Variants in MCF2L2 observed in about 807,000 individuals in gnomAD.
MCF2L2 encodes MCF.2 cell line derived transforming sequence-like 2.
MCF2L2 carries 102 observed loss-of-function variants against 150.2 expected under a neutral mutation model. The observed-to-expected ratio is 0.68, with a 90% confidence interval of 0.58 to 0.80. The LOEUF (loss-of-function observed/expected upper bound fraction) is 0.80. Ranked by LOEUF, MCF2L2 falls within the 30% of genes least tolerant of loss-of-function variation. The pLI, the probability that MCF2L2 is intolerant of heterozygous loss-of-function variation, is 0.00. For synonymous variants in MCF2L2, 465 were observed against 491.3 expected (o/e 0.95, Z 0.71); for missense variants, 1,256 against 1,372.8 (o/e 0.91, Z 1.34).
chr3:183,358,826 T>C (rs1001000837), intron 3 of MCF2L2, among the ~76,000 whole-genome samples: 1 of 152,092 alleles, frequency 6.6e-6, no homozygotes, highest in South Asian at 2.1e-4. Context: ...GGTCTTGCCG[T>C]GTTGCCCAGG....
intron 3 of MCF2L2, among the ~76,000 whole-genome samples, chr3:183,343,780 TACTA>T (rs1396508748): frequency 6.6e-6 from 1 of 152,246 alleles, no homozygotes. Context: ...CTCTGAGGAC[TACTA>T]ACTAATCAAA....
At chr3:183,185,394 G>C (rs751062658) in intron 27 of MCF2L2, among the ~76,000 whole-genome samples, 32 of 152,252 alleles carry the variant, frequency 2.1e-4, no homozygotes, top group Non-Finnish European at 4.4e-5. Flanking sequence ...CATGCTTTCA[G>C]AGATCTAGGC....
chr3:183,194,660 A>G (rs1384541737), intron 26 of MCF2L2, among the ~76,000 whole-genome samples: 3 of 152,238 alleles, frequency 2.0e-5, no homozygotes, highest in Non-Finnish European at 2.9e-5. Flanking sequence ...CAATACAGCA[A>G]GCATGCACCA....
intron 1 of MCF2L2, among the ~76,000 whole-genome samples, chr3:183,416,615 T>C (rs905528332): frequency 2.0e-5 from 3 of 152,198 alleles, no homozygotes; most frequent in African/African-American, 7.2e-5. Flanking sequence ...TGATTTATGA[T>C]TTTTCAACTT....
intron 12 of MCF2L2, 31 bp downstream of exon 12, chr3:183,296,945 C>A (rs569989773): frequency 4.5e-5 from 72 of 1,599,356 alleles, no homozygotes; most frequent in Admixed American, 1.0e-4. Flanking sequence ...CGTTTCCCAA[C>A]CACAGGATCA....
At chr3:183,279,997 A>G (rs905382451) in intron 14 of MCF2L2, among the ~76,000 whole-genome samples, 1 of 151,926 alleles carries the variant, frequency 6.6e-6, no homozygotes, top group Non-Finnish European at 1.5e-5. Flanking sequence ...ACTGCCCTCC[A>G]GCCTGGGCGA....
intron 25 of MCF2L2, among the ~76,000 whole-genome samples, chr3:183,198,010 A>G (rs1332626211): frequency 1.3e-5 from 2 of 152,230 alleles, no homozygotes; most frequent in Non-Finnish European, 2.9e-5. Flanking sequence ...ATCACTTTGG[A>G]AACTATTTAG....
intron 11 of MCF2L2, 32 bp from the exon 12 acceptor site, chr3:183,297,199 C>G (rs370338416): frequency 2.1e-5 from 34 of 1,589,670 alleles, no homozygotes; most frequent in Non-Finnish European, 2.9e-5. Context: ...CTGTGCACTT[C>G]GCCTGACCAC....
intron 1 of MCF2L2, among the ~76,000 whole-genome samples, chr3:183,411,128 G>C (rs1263875605): frequency 1.3e-5 from 2 of 152,194 alleles, no homozygotes; most frequent in Non-Finnish European, 2.9e-5. Flanking sequence ...TTACCAGCAA[G>C]ATGCTCCAAA....
intron 14 of MCF2L2, among the ~76,000 whole-genome samples, chr3:183,277,459 CTT>C (rs78674214): frequency 6.8e-6 from 1 of 146,432 alleles, no homozygotes. Flanking sequence ...TCAACATCTC[CTT>C]TTTTTTTTTC....
intron 1 of MCF2L2, among the ~76,000 whole-genome samples, chr3:183,401,909 G>T (rs1223485604): frequency 6.6e-6 from 1 of 152,194 alleles, no homozygotes; most frequent in Non-Finnish European, 1.5e-5. Context: ...AGGCCTGTGT[G>T]TAGACATGTT....
At chr3:183,330,466 G>C (rs1730227181) in intron 5 of MCF2L2, among the ~76,000 whole-genome samples, 2 of 152,092 alleles carry the variant, frequency 1.3e-5, no homozygotes, top group Admixed American at 1.3e-4. Context: ...TATAAGGATG[G>C]AGAGCAGATC....
chr3:183,323,333 C>CA lies in MCF2L2; in HGVS notation c.504dup (p.Val169CysfsTer3). 1 of 1,611,622 alleles carries CA rather than the reference C, an allele frequency of 6.2e-7. No individual in the cohort carries two copies. Among genetic ancestry groups the CA allele is most frequent in the African/African-American group, 1.3e-5 (1 of 74,976 alleles). On this transcript the variant is annotated frameshift_variant, in exon 6 of 30. Coordinates refer to ENST00000328913, the MANE Select transcript of MCF2L2 (RefSeq NM_015078.4). LOFTEE classifies it high-confidence loss of function. ...TCGATGTAGCCGTGAAGGTCAGAGA[C>CA]AGAGTTTACCATGATGATCTGTAAG...
At chr3:183,400,755 ATTT>A (rs933680315) in intron 1 of MCF2L2, among the ~76,000 whole-genome samples, 1 of 147,892 alleles carries the variant, frequency 6.8e-6, no homozygotes. Flanking sequence ...GAGAATCAGA[ATTT>A]TTTTTTTTTA....
At chr3:183,424,384 G>A (rs1423163932) in intron 1 of MCF2L2, among the ~76,000 whole-genome samples, 1 of 152,284 alleles carries the variant, frequency 6.6e-6, no homozygotes, top group East Asian at 1.9e-4. Flanking sequence ...TGGGGTTTTG[G>A]AGACAAAATA....
At chr3:183,401,106 GCC>G (rs1714730320) in intron 1 of MCF2L2, among the ~76,000 whole-genome samples, 1 of 151,886 alleles carries the variant, frequency 6.6e-6, no homozygotes, top group Non-Finnish European at 1.5e-5. Context: ...GATATTCTTT[GCC>G]TGTCATGATG....
intron 15 of MCF2L2, among the ~76,000 whole-genome samples, chr3:183,268,960 TGA>T (rs1370952639): frequency 1.3e-5 from 2 of 152,158 alleles, no homozygotes; most frequent in Non-Finnish European, 2.9e-5. Flanking sequence ...TTTTGATTAC[TGA>T]GAGTTTGCTT....
chr3:183,288,658 T>C (rs539351877), intron 14 of MCF2L2, among the ~76,000 whole-genome samples: 7 of 152,210 alleles, frequency 4.6e-5, no homozygotes, highest in Middle Eastern at 3.4e-3. Context: ...ATTTTTGTAT[T>C]TTTAGTAGAG....
At chr3:183,416,302 G>A in intron 1 of MCF2L2, among the ~76,000 whole-genome samples, 1 of 152,268 alleles carries the variant, frequency 6.6e-6, no homozygotes, top group Non-Finnish European at 1.5e-5. Context: ...TATTTATAGA[G>A]TTTGTAACAT....
Sources: allele counts gnomAD v4.1 joint callset (sites outside exome capture counted in the v4.1 genomes callset), GRCh38; gene constraint gnomAD v4.1.1; transcripts MANE v1.5; gene names NCBI Gene and HGNC (gene_info 2026-07-23, HGNC 2026-07-21).